Variants in CSMD3 observed in about 807,000 individuals in gnomAD.
CSMD3 encodes CUB and Sushi multiple domains 3.
CSMD3 carries 177 observed loss-of-function variants against 435.2 expected under a neutral mutation model. That is an observed-to-expected ratio of 0.41 (90% CI 0.36 to 0.46). The LOEUF (loss-of-function observed/expected upper bound fraction) is 0.46. Ranked by LOEUF, CSMD3 falls within the 20% of genes least tolerant of loss-of-function variation. The probability of loss-of-function intolerance (pLI) is 0.34; values close to 1 mark genes in which losing one functional copy is unlikely to be tolerated. For synonymous variants in CSMD3, 1,656 were observed against 1,520.5 expected, an observed-to-expected ratio of 1.09 and a Z score of -2.07; for missense variants, 4,265 against 4,504.6, an observed-to-expected ratio of 0.95 and a Z score of 1.52.
At chr8:112,279,436 G>A (rs78204548) in intron 59 of CSMD3, among the ~76,000 whole-genome samples, 3,196 of 152,184 alleles carry the variant, frequency 0.021, 111 homozygotes, top group African/African-American at 0.073. Context: ...TTGACCTATA[G>A]CACCTGATAC....
At chr8:112,609,811 T>A (rs1237867558) in intron 22 of CSMD3, among the ~76,000 whole-genome samples, 1 of 152,124 alleles carries the variant, frequency 6.6e-6, no homozygotes, top group African/African-American at 2.4e-5. Context: ...ATATATGGAA[T>A]ATTATTCAAT....
chr8:113,007,636 A>G (rs2086105270), intron 6 of CSMD3, among the ~76,000 whole-genome samples: 1 of 151,928 alleles, frequency 6.6e-6, no homozygotes, highest in Non-Finnish European at 1.5e-5. Context: ...AGTAATTTGC[A>G]TTAATTTAGT....
At chr8:113,225,907 T>C (rs984695181) in intron 3 of CSMD3, among the ~76,000 whole-genome samples, 12 of 151,406 alleles carry the variant, frequency 7.9e-5, no homozygotes, top group African/African-American at 2.9e-4. Flanking sequence ...GGGAAGTGAG[T>C]AGATCATGAA....
rs1446241428 is a variant in CSMD3 at position 112,561,735 on chromosome 8, T to A, written c.4043-4781A>T. ...TATTATTCTTGCACATATTTTTTAT[T>A]ACATATCTATACATCAATGAGCAAT... On this transcript the variant is annotated intron_variant, in intron 24 of 70. Coordinates refer to ENST00000297405, the MANE Select transcript of CSMD3 (RefSeq NM_198123.2). Among the ~76,000 whole-genome samples the A allele has an allele frequency of 2.0e-5, 3 of 151,760 alleles. No individual in the cohort carries two copies. In the Admixed American group the frequency reaches 2.0e-4, roughly 10 times the overall value.
intron 7 of CSMD3, among the ~76,000 whole-genome samples, chr8:112,963,346 A>G (rs1216950946): frequency 6.6e-6 from 1 of 151,932 alleles, no homozygotes; most frequent in East Asian, 1.9e-4. Flanking sequence ...AAACTTCCTC[A>G]AATTAGGCAA....
At chr8:112,520,319 A>G (rs1824138480) in intron 27 of CSMD3, among the ~76,000 whole-genome samples, 1 of 152,032 alleles carries the variant, frequency 6.6e-6, no homozygotes, top group African/African-American at 2.4e-5. Context: ...TGGTATTTTC[A>G]TCCCCATTTT....
chr8:113,195,271 G>A (rs768158698), intron 3 of CSMD3, among the ~76,000 whole-genome samples: 2 of 102,762 alleles, frequency 1.9e-5, no homozygotes, highest in Non-Finnish European at 4.1e-5. Flanking sequence ...AACGACCTTT[G>A]TATTTCAGGA....
intron 26 of CSMD3, among the ~76,000 whole-genome samples, chr8:112,552,285 A>G (rs1363605328): frequency 1.3e-5 from 2 of 151,996 alleles, no homozygotes; most frequent in African/African-American, 4.8e-5. Context: ...CAACATTTTG[A>G]GACCAGCCTG....
intron 10 of CSMD3, among the ~76,000 whole-genome samples, chr8:112,909,409 A>T (rs919386026): frequency 1.4e-4 from 21 of 151,242 alleles, no homozygotes; most frequent in African/African-American, 3.2e-4. Flanking sequence ...TTAAACACAT[A>T]TTTTTTTTAA....
intron 5 of CSMD3, among the ~76,000 whole-genome samples, chr8:113,058,556 T>C (rs2131355150): frequency 6.6e-6 from 1 of 152,094 alleles, no homozygotes; most frequent in Non-Finnish European, 1.5e-5. Flanking sequence ...GTCAATTTAT[T>C]CATTAGCATT....
intron 28 of CSMD3, among the ~76,000 whole-genome samples, chr8:112,510,046 G>A (rs1198828349): frequency 6.6e-6 from 1 of 152,104 alleles, no homozygotes; most frequent in Non-Finnish European, 1.5e-5. Context: ...AGGCCTAAGA[G>A]TCTTCTCTTT....
At chr8:112,360,512 T>C (rs1053285555) in intron 38 of CSMD3, among the ~76,000 whole-genome samples, 7 of 152,120 alleles carry the variant, frequency 4.6e-5, no homozygotes, top group African/African-American at 1.7e-4. Flanking sequence ...AATTCTTATA[T>C]GTATATAATC....
At chr8:112,570,349 A>G (rs1203674795) in intron 24 of CSMD3, among the ~76,000 whole-genome samples, 2 of 152,200 alleles carry the variant, frequency 1.3e-5, no homozygotes, top group Non-Finnish European at 2.9e-5. Context: ...TTCGCAAACA[A>G]GTATAACCAC....
At chr8:112,851,006 C>T (rs1328849695) in intron 11 of CSMD3, among the ~76,000 whole-genome samples, 1 of 151,976 alleles carries the variant, frequency 6.6e-6, no homozygotes, top group Non-Finnish European at 1.5e-5. Flanking sequence ...TTTAATATAA[C>T]ATTATATTTT....
At chr8:112,593,453 T>C (rs924506730) in intron 22 of CSMD3, among the ~76,000 whole-genome samples, 1 of 152,144 alleles carries the variant, frequency 6.6e-6, no homozygotes, top group Non-Finnish European at 1.5e-5. Context: ...GAGAAGACAA[T>C]GAGTGGCTTT....
At chr8:112,315,634 A>C (rs1345783920) in intron 47 of CSMD3, among the ~76,000 whole-genome samples, 1 of 151,894 alleles carries the variant, frequency 6.6e-6, no homozygotes, top group African/African-American at 2.4e-5. Context: ...GGCCATAGTA[A>C]AATGTCTTAC....
chr8:112,235,254 C>T (rs935250928), intron 67 of CSMD3, among the ~76,000 whole-genome samples: 3 of 151,936 alleles, frequency 2.0e-5, no homozygotes, highest in Admixed American at 6.6e-5. Flanking sequence ...CATGGTGGCA[C>T]GCACCTGTAG....
chr8:112,232,486 G>A (rs1288187476), intron 68 of CSMD3, among the ~76,000 whole-genome samples: 1 of 152,118 alleles, frequency 6.6e-6, no homozygotes, highest in Non-Finnish European at 1.5e-5. Context: ...GCATGTAGCT[G>A]TAATCCCAGC....
chr8:112,529,605 A>C (rs1825326097), intron 27 of CSMD3, among the ~76,000 whole-genome samples: 1 of 151,966 alleles, frequency 6.6e-6, no homozygotes, highest in Non-Finnish European at 1.5e-5. Context: ...CAAACCAACA[A>C]AAATCCAGCT....
Sources: gnomAD v4.1 joint callset for allele counts (sites outside exome capture counted in the v4.1 genomes callset) on GRCh38, gnomAD v4.1.1 for gene constraint, MANE v1.5 for transcripts, NCBI Gene and HGNC (gene_info 2026-07-23, HGNC 2026-07-21) for gene names.